ADGRL3: variants seen among roughly 807,000 people sequenced by gnomAD.
ADGRL3 encodes the protein calcium-independent alpha-latrotoxin receptor 3.
In ADGRL3, 62 loss-of-function variants were observed where a neutral mutation model predicts 153.5. The ratio of observed to expected loss-of-function variants is 0.40; its 90% CI spans 0.33 to 0.50. The LOEUF is 0.50. ADGRL3 is among the 20% of genes least tolerant of loss of function. The probability of loss-of-function intolerance (pLI) is 0.47; values close to 1 mark genes in which losing one functional copy is unlikely to be tolerated. For synonymous variants in ADGRL3, 710 were observed against 672.5 expected, an observed-to-expected ratio of 1.06 and a Z score of -0.86; for missense variants, 1,641 against 1,859.4, an observed-to-expected ratio of 0.88 and a Z score of 2.16.
intron 17 of ADGRL3, among the ~76,000 whole-genome samples, chr4:61,978,989 CAT>C (rs1354667231): frequency 3.9e-5 from 6 of 152,104 alleles, no homozygotes; most frequent in African/African-American, 1.4e-4. Flanking sequence ...AAATAGTGCA[CAT>C]GTGTGGCTAT....
At chr4:61,876,337 A>G (rs1342830769) in intron 9 of ADGRL3, among the ~76,000 whole-genome samples, 1 of 151,990 alleles carries the variant, frequency 6.6e-6, no homozygotes, top group Non-Finnish European at 1.5e-5. Flanking sequence ...GGACTTGCCC[A>G]AAGTTTCACA....
chr4:61,436,015 G>A (rs1246064758), intron 2 of ADGRL3, among the ~76,000 whole-genome samples: 1 of 151,972 alleles, frequency 6.6e-6, no homozygotes, highest in Non-Finnish European at 1.5e-5. Context: ...CAAGTATAAT[G>A]GGAATTCAAA....
At chr4:61,489,116 A>G (rs1560718878) in intron 2 of ADGRL3, among the ~76,000 whole-genome samples, 2 of 152,036 alleles carry the variant, frequency 1.3e-5, no homozygotes, top group African/African-American at 4.8e-5. Flanking sequence ...AGCTTCTTAT[A>G]TATATTACCT....
chr4:62,060,018 A>G (rs1739205120), intron 25 of ADGRL3, among the ~76,000 whole-genome samples: 1 of 152,084 alleles, frequency 6.6e-6, no homozygotes, highest in Admixed American at 6.6e-5. Flanking sequence ...TAGAATTCCA[A>G]TATGAAACTC....
chr4:61,272,625 T>G (rs1051230152), intron 1 of ADGRL3, among the ~76,000 whole-genome samples: 3 of 152,110 alleles, frequency 2.0e-5, no homozygotes, highest in African/African-American at 7.2e-5. Flanking sequence ...GTAGGACTCT[T>G]CAGTGTGACG....
At chr4:61,494,538 ATTTCT>A (rs2098292640) in intron 2 of ADGRL3, among the ~76,000 whole-genome samples, 1 of 152,188 alleles carries the variant, frequency 6.6e-6, no homozygotes, top group South Asian at 2.1e-4. Flanking sequence ...TGCTTTCAAA[ATTTCT>A]TTTCTGAGTT....
chr4:61,755,945 T>C (rs1484235018), intron 8 of ADGRL3, among the ~76,000 whole-genome samples: 2 of 152,206 alleles, frequency 1.3e-5, no homozygotes, highest in Non-Finnish European at 2.9e-5. Flanking sequence ...TGCGGCATTA[T>C]ATCTGAGGGC....
chr4:61,833,668 A>G (rs1483444738), intron 9 of ADGRL3, among the ~76,000 whole-genome samples: 1 of 152,114 alleles, frequency 6.6e-6, no homozygotes, highest in Non-Finnish European at 1.5e-5. Flanking sequence ...CAGGTTAGGG[A>G]GGGTCAGAAT....
intron 4 of ADGRL3, among the ~76,000 whole-genome samples, chr4:61,575,576 T>G (rs2098870582): frequency 6.6e-6 from 1 of 152,032 alleles, no homozygotes; most frequent in South Asian, 2.1e-4. Context: ...CTTTGTGAAT[T>G]TCATAAACTG....
chr4:61,452,150 C>T (rs185950240), intron 2 of ADGRL3, among the ~76,000 whole-genome samples: 18 of 152,210 alleles, frequency 1.2e-4, no homozygotes, highest in African/African-American at 3.9e-4. Flanking sequence ...TGATATGCTC[C>T]AGGTTATGCT....
chr4:61,674,226 C>T (rs2095110245), intron 5 of ADGRL3, among the ~76,000 whole-genome samples: 1 of 151,312 alleles, frequency 6.6e-6, no homozygotes, highest in Admixed American at 6.6e-5. Context: ...GTTTTCTAAT[C>T]TAATCTATAT....
chr4:61,774,093 A>G (rs2152323910), intron 8 of ADGRL3, among the ~76,000 whole-genome samples: 1 of 152,280 alleles, frequency 6.6e-6, no homozygotes, highest in South Asian at 2.1e-4. Flanking sequence ...ATGGTGCCTC[A>G]TGCTTGTAAT....
In ADGRL3 at chr4:61,554,340, C is replaced by T. The variant is rs189426445; in HGVS notation, c.260-32887C>T. Among the ~76,000 whole-genome samples, 5 of 151,844 alleles carry T rather than the reference C, an allele frequency of 3.3e-5. No homozygotes were observed. The East Asian group carries it at 9.7e-4, about 30-fold the overall frequency. On this transcript the variant is annotated intron_variant, in intron 4 of 26. Coordinates refer to ENST00000683033, the MANE Select transcript of ADGRL3 (RefSeq NM_001387552.1). ...TCCAGATTAGCTGGGATTACAGGCG[C>T]GTGCCACCACGTCTAGCTAATTTTT...
rs1375188543 is a variant in ADGRL3 at position 62,072,211 on chromosome 4, G to T, written c.*1303G>T. ...AAGCATTGGAAGGTCAAATTATTTT[G>T]AAGTGATTTTTTTAAAAAAAAGTCT... On this transcript the variant is annotated 3_prime_UTR_variant, in exon 27 of 27. Transcript: ENST00000683033. 6.6e-6 allele frequency: 1 copy of T among 152,522 alleles called. No individual in the cohort carries two copies. The highest frequency in any genetic ancestry group is 6.6e-5 in the Admixed American group (1 of 15,266). The allele number at this position is 152,522 out of a possible 1,614,324, so 9.4% of individuals were successfully genotyped here. A position where few individuals can be genotyped will look rare whatever the true frequency, so the allele number is the denominator to read the frequency against.
At chr4:61,392,745 G>GAAAAAAAAAAAAAAAAAAAAA (rs2096828095) in intron 2 of ADGRL3, among the ~76,000 whole-genome samples, 1 of 126,454 alleles carries the variant, frequency 7.9e-6, no homozygotes, top group Admixed American at 8.5e-5. Flanking sequence ...AGAGTCTCAT[G>GAAAAAAAAAAAAAAAAAAAAA]AGAAAATATT....
chr4:61,858,807 A>ATT (rs1328482790), intron 9 of ADGRL3, among the ~76,000 whole-genome samples: 1 of 152,114 alleles, frequency 6.6e-6, no homozygotes, highest in Non-Finnish European at 1.5e-5. Flanking sequence ...TTCGTTCTTA[A>ATT]TTTGCTGACC....
intron 8 of ADGRL3, among the ~76,000 whole-genome samples, chr4:61,748,797 T>C (rs1295673319): frequency 6.6e-6 from 1 of 151,874 alleles, no homozygotes; most frequent in Non-Finnish European, 1.5e-5. Context: ...GACATAGGCA[T>C]GGGCAAGGAC....
chr4:61,361,741 G>A (rs868256218), intron 1 of ADGRL3, among the ~76,000 whole-genome samples: 1 of 152,080 alleles, frequency 6.6e-6, no homozygotes, highest in South Asian at 2.1e-4. Context: ...TTGAAAGAAA[G>A]AGAATAGGAG....
chr4:61,505,077 C>A (rs1485100098), intron 3 of ADGRL3, among the ~76,000 whole-genome samples: 1 of 152,088 alleles, frequency 6.6e-6, no homozygotes, highest in Admixed American at 6.5e-5. Context: ...CACCGACAGA[C>A]AAAGGTTCCC....
Sources: allele counts gnomAD v4.1 joint callset (sites outside exome capture counted in the v4.1 genomes callset), GRCh38; gene constraint gnomAD v4.1.1; transcripts MANE v1.5; gene names NCBI Gene and HGNC (gene_info 2026-07-23, HGNC 2026-07-21).